IQCJ: variants seen among roughly 807,000 people sequenced by gnomAD.
IQCJ encodes the protein IQ domain-containing protein J.
IQCJ carries 9 observed loss-of-function variants against 11.0 expected under a neutral mutation model. That is an observed-to-expected ratio of 0.82 (90% confidence interval 0.49 to 1.43). The LOEUF (loss-of-function observed/expected upper bound fraction) is 1.43, where lower values mean the gene tolerates loss of function less well. Ranked by LOEUF, IQCJ falls within the 40% of genes most tolerant of loss-of-function variation. IQCJ has a pLI of 0.00. For missense variants in IQCJ, 146 were observed against 133.2 expected (o/e 1.10, Z -0.47); for synonymous variants, 55 against 51.3 (o/e 1.07, Z -0.31).
chr3:159,217,693 C>T (rs1725308575), intron 1 of IQCJ, among the ~76,000 whole-genome samples: 1 of 152,096 alleles, frequency 6.6e-6, no homozygotes, highest in African/African-American at 2.4e-5. Context: ...GTCCTTTTCT[C>T]TTTTATGTCT....
intron 1 of IQCJ, among the ~76,000 whole-genome samples, chr3:159,242,094 G>A (rs527334871): frequency 6.6e-6 from 1 of 152,314 alleles, no homozygotes; most frequent in African/African-American, 2.4e-5. Flanking sequence ...CTAAAAGGGA[G>A]CAACCGTGGC....
chr3:159,209,400 TCTCCC>T lies in IQCJ; in HGVS notation c.10-36441_10-36437del, dbSNP rs1472207333. 2.0e-5 allele frequency among the ~76,000 whole-genome samples: 3 copies of T among 151,906 alleles called. No individual in the cohort carries two copies. The South Asian group carries it at 6.2e-4, about 32-fold the overall frequency. On this transcript the variant is annotated intron_variant, in intron 1 of 3. Transcript: ENST00000397832. ...CAGTCACTTCCACTGCTTAATGAAG[TCTCCC>T]CATTCACCACCCTTCAAATCTGTGT...
chr3:159,083,602 T>A (rs1716485556), intron 1 of IQCJ, among the ~76,000 whole-genome samples: 1 of 152,180 alleles, frequency 6.6e-6, no homozygotes, highest in South Asian at 2.1e-4. Context: ...ATAATTGCAC[T>A]GTTGGACATT....
chr3:159,139,806 C>T (rs1282441118), intron 1 of IQCJ, among the ~76,000 whole-genome samples: 5 of 152,112 alleles, frequency 3.3e-5, no homozygotes, highest in South Asian at 2.1e-4. Flanking sequence ...CTCTCCAAGG[C>T]CCTGCACTCA....
At chr3:159,123,235 C>G (rs1372771468) in intron 1 of IQCJ, among the ~76,000 whole-genome samples, 2 of 152,142 alleles carry the variant, frequency 1.3e-5, no homozygotes, top group Non-Finnish European at 2.9e-5. Context: ...ACCCACATCT[C>G]TATTCAAAAT....
chr3:159,222,478 T>C (rs1577091458), intron 1 of IQCJ, among the ~76,000 whole-genome samples: 2 of 152,184 alleles, frequency 1.3e-5, no homozygotes, highest in East Asian at 3.9e-4. Context: ...CTTTCCCCTG[T>C]ATGTGGAATT....
At chr3:159,085,305 T>A (rs1190142580) in intron 1 of IQCJ, among the ~76,000 whole-genome samples, 1 of 151,178 alleles carries the variant, frequency 6.6e-6, no homozygotes, top group African/African-American at 2.4e-5. Flanking sequence ...ATTTTCTTAA[T>A]CCAGTCTATC....
intron 1 of IQCJ, among the ~76,000 whole-genome samples, chr3:159,086,529 T>C (rs1716787390): frequency 6.6e-6 from 1 of 152,248 alleles, no homozygotes; most frequent in African/African-American, 2.4e-5. Flanking sequence ...TTTCACGATA[T>C]TGATTCTTTC....
At chr3:159,191,300 A>G (rs1723671977) in intron 1 of IQCJ, among the ~76,000 whole-genome samples, 1 of 152,118 alleles carries the variant, frequency 6.6e-6, no homozygotes, top group Non-Finnish European at 1.5e-5. Flanking sequence ...CTCAGTTAAG[A>G]TGATGAAGAT....
chr3:159,164,899 C>T (rs73877514), intron 1 of IQCJ, among the ~76,000 whole-genome samples: 1,578 of 152,270 alleles, frequency 0.01, 24 homozygotes, highest in African/African-American at 0.036. Context: ...TTTTCTAGAT[C>T]TTAGTTCCAC....
chr3:159,076,162 TG>T (rs1715900185), intron 1 of IQCJ, among the ~76,000 whole-genome samples: 1 of 152,126 alleles, frequency 6.6e-6, no homozygotes, highest in African/African-American at 2.4e-5. Flanking sequence ...TAGTGATGTA[TG>T]TCTCTGCAGT....
chr3:159,162,096 C>T (rs1477489537), intron 1 of IQCJ, among the ~76,000 whole-genome samples: 2 of 152,136 alleles, frequency 1.3e-5, no homozygotes, highest in East Asian at 3.8e-4. Context: ...ATGGGGATGG[C>T]ATTGAATCTG....
At chr3:159,222,964 A>G (rs1280552853) in intron 1 of IQCJ, among the ~76,000 whole-genome samples, 1 of 152,106 alleles carries the variant, frequency 6.6e-6, no homozygotes, top group Non-Finnish European at 1.5e-5. Flanking sequence ...CAGAAAGTGT[A>G]TGTGACTTAG....
chr3:159,116,853 T>A (rs1324661914), intron 1 of IQCJ, among the ~76,000 whole-genome samples: 2 of 151,740 alleles, frequency 1.3e-5, no homozygotes, highest in Non-Finnish European at 2.9e-5. Flanking sequence ...TAAAAGTCTC[T>A]TCTTGAGCTT....
intron 1 of IQCJ, among the ~76,000 whole-genome samples, chr3:159,106,473 C>A (rs1242813410): frequency 1.3e-5 from 2 of 151,824 alleles, no homozygotes; most frequent in Non-Finnish European, 2.9e-5. Context: ...TGAGGAGCAA[C>A]CAGCAAGAGA....
intron 1 of IQCJ, among the ~76,000 whole-genome samples, chr3:159,080,502 G>C (rs1716237804): frequency 6.6e-6 from 1 of 152,120 alleles, no homozygotes; most frequent in Non-Finnish European, 1.5e-5. Flanking sequence ...CAGCCCCGCT[G>C]TCAGAGTAAT....
chr3:159,266,086 A>G (rs1728477400), downstream of IQCJ: 1 of 152,238 alleles, frequency 6.6e-6, no homozygotes, highest in South Asian at 2.1e-4. Flanking sequence ...GCACTCTGCT[A>G]TTATCTTGTT....
chr3:159,235,661 A>T (rs897073016), intron 1 of IQCJ, among the ~76,000 whole-genome samples: 6 of 152,318 alleles, frequency 3.9e-5, no homozygotes, highest in African/African-American at 1.4e-4. Context: ...GACTGAAATT[A>T]TCTCAGATCC....
intron 1 of IQCJ, among the ~76,000 whole-genome samples, chr3:159,123,684 A>G (rs1719508792): frequency 6.6e-6 from 1 of 152,144 alleles, no homozygotes; most frequent in Non-Finnish European, 1.5e-5. Flanking sequence ...GAAACTCCAC[A>G]AGGTCTTAGA....
Sources: gnomAD v4.1 joint callset for allele counts (sites outside exome capture counted in the v4.1 genomes callset) on GRCh38, gnomAD v4.1.1 for gene constraint, MANE v1.5 for transcripts, NCBI Gene and HGNC (gene_info 2026-07-23, HGNC 2026-07-21) for gene names.